The following FRMD5 variants were observed in gnomAD, a reference collection of about 807,000 sequenced individuals.
The protein encoded by FRMD5 is FERM domain-containing protein 5.
FRMD5 carries 20 observed loss-of-function variants against 69.0 expected under a neutral mutation model. That is an observed-to-expected ratio of 0.29 (90% CI 0.20 to 0.42). FRMD5 has a LOEUF of 0.42. FRMD5 is among the 10% of genes least tolerant of loss of function. The pLI is 1.00. For missense variants in FRMD5, 595 were observed against 708.6 expected (o/e 0.84, Z 1.82); for synonymous variants, 271 against 260.1 (o/e 1.04, Z -0.40).
intron 1 of FRMD5, among the ~76,000 whole-genome samples, chr15:44,020,301 C>CTCT (rs1891158542): frequency 6.6e-6 from 1 of 152,164 alleles, no homozygotes; most frequent in Non-Finnish European, 1.5e-5. Flanking sequence ...ATCACGTTTG[C>CTCT]TCTTCCCTCA....
chr15:44,126,425 C>G (rs1306982139), intron 1 of FRMD5, among the ~76,000 whole-genome samples: 2 of 152,168 alleles, frequency 1.3e-5, no homozygotes, highest in African/African-American at 4.8e-5. Context: ...TTAAAATAAT[C>G]TAAGTTTGTA....
chr15:44,130,061 T>C (rs2077077435), intron 1 of FRMD5, among the ~76,000 whole-genome samples: 1 of 152,172 alleles, frequency 6.6e-6, no homozygotes, highest in Non-Finnish European at 1.5e-5. Context: ...CTGGGATGGT[T>C]TGCACCTTGC....
chr15:44,150,935 T>C (rs920180100), intron 1 of FRMD5, among the ~76,000 whole-genome samples: 1 of 151,786 alleles, frequency 6.6e-6, no homozygotes, highest in Non-Finnish European at 1.5e-5. Context: ...CTACTAATAA[T>C]ACAAAAATTA....
chr15:43,883,972 T>A (rs1177452080), intron 12 of FRMD5, among the ~76,000 whole-genome samples, 163 bp from the exon 13 acceptor site: 1 of 152,332 alleles, frequency 6.6e-6, no homozygotes, highest in African/African-American at 2.4e-5. Context: ...GGTCTCTGGA[T>A]TCCAGTCAGA....
intron 1 of FRMD5, among the ~76,000 whole-genome samples, chr15:44,051,139 CTTTTTTTTTTTTT>C (rs779951038): frequency 9.1e-4 from 71 of 78,394 alleles, no homozygotes; most frequent in East Asian, 5.4e-3. Context: ...CATTCAGTCA[CTTTTTTTTTTTTT>C]TTTTTTTTTT....
At chr15:44,106,395 A>G (rs1392875534) in intron 1 of FRMD5, among the ~76,000 whole-genome samples, 1 of 151,718 alleles carries the variant, frequency 6.6e-6, no homozygotes, top group African/African-American at 2.4e-5. Flanking sequence ...CATTGCCACT[A>G]CTCTTTAAAC....
At chr15:44,193,132 C>A (rs2078223989) in intron 1 of FRMD5, among the ~76,000 whole-genome samples, 1 of 152,194 alleles carries the variant, frequency 6.6e-6, no homozygotes, top group African/African-American at 2.4e-5. Flanking sequence ...ATTTGCCTCA[C>A]TGCAATACTT....
intron 13 of FRMD5, among the ~76,000 whole-genome samples, chr15:43,878,032 T>A (rs2088412857): frequency 6.6e-6 from 1 of 152,204 alleles, no homozygotes; most frequent in African/African-American, 2.4e-5. Flanking sequence ...TGAGACAGTC[T>A]TACTCCATTG....
At chr15:43,913,838 CA>C (rs932007266) in intron 4 of FRMD5, among the ~76,000 whole-genome samples, 25 of 152,226 alleles carry the variant, frequency 1.6e-4, no homozygotes, top group East Asian at 1.9e-4. Context: ...ACTTAGTTAT[CA>C]GGTTAGTCCT....
chr15:44,030,072 A>T (rs1278002957), intron 1 of FRMD5, among the ~76,000 whole-genome samples: 3 of 152,230 alleles, frequency 2.0e-5, no homozygotes, highest in African/African-American at 7.2e-5. Context: ...AAGAGACTGG[A>T]ACATGGGAAA....
At position 44,140,487 on chromosome 15, in the gene FRMD5, GACAAT is replaced by G. The variant is rs2077253304; in HGVS notation, c.102+54461_102+54465del. The stretch of plus-strand genomic sequence containing the variant: ...AAACAACATTGTTTTGGAGGTCCCA[GACAAT>G]ACAATAAAGCAAGAAGAAAAATAAA... On this transcript the variant is annotated intron_variant, in intron 1 of 13. Transcript: ENST00000417257. Among the ~76,000 whole-genome samples, 5 of 152,030 alleles carry G rather than the reference GACAAT, an allele frequency of 3.3e-5. No homozygotes were observed. In the South Asian group the frequency reaches 1.0e-3, roughly 32 times the overall value.
intron 1 of FRMD5, among the ~76,000 whole-genome samples, chr15:44,103,150 T>C (rs1003717927): frequency 2.0e-5 from 3 of 152,294 alleles, no homozygotes; most frequent in African/African-American, 7.2e-5. Flanking sequence ...TTTGCCCTAA[T>C]GTAAGAATAG....
chr15:44,013,481 T>C (rs1024586128), intron 1 of FRMD5, among the ~76,000 whole-genome samples: 1 of 152,236 alleles, frequency 6.6e-6, no homozygotes, highest in African/African-American at 2.4e-5. Flanking sequence ...TTTTTATCCC[T>C]AGAGATTGGT....
rs116798125 is a variant in FRMD5, at chr15:43,875,461, T to C, written c.1136-999A>G. ...TTTTAGAAGAGTTTTTCTTTGCTTT[T>C]TGCTTACGGTTTTGGCCTAGTTTGT... On this transcript the variant is annotated intron_variant, in intron 13 of 13. Transcript: ENST00000417257. Among the ~76,000 whole-genome samples the C allele has an allele frequency of 4.6e-3, 690 of 150,884 alleles. 5 individuals carry two copies. Among genetic ancestry groups the C allele is most frequent in the African/African-American group, 0.016 (663 of 41,156 alleles).
Position 43,875,805 on chromosome 15 carries a change from T to TTTTTTTTTTTTTTTTTTTTTTTTTTTTTA in FRMD5, c.1136-1344_1136-1343insTAAAAAAAAAAAAAAAAAAAAAAAAAAAA. The TTTTTTTTTTTTTTTTTTTTTTTTTTTTTA allele has an allele frequency of 1.6e-5, 2 of 121,642 alleles. 1 individual carries two copies. The highest frequency in any genetic ancestry group is 2.9e-5 in the Non-Finnish European group (2 of 69,264). The allele number at this position is 121,642 out of a possible 1,614,324, so 7.5% of individuals were successfully genotyped here. A position where few individuals can be genotyped will look rare whatever the true frequency, so the allele number is the denominator to read the frequency against. On this transcript the variant is annotated intron_variant, in intron 13 of 13. Transcript: ENST00000417257. ...CTTGCCTTTGGTGTCCTGGGCCTAG[T>TTTTTTTTTTTTTTTTTTTTTTTTTTTTTA]TTTTTTTTTTTTTTTTTTTTTTCTT...
chr15:44,148,094 T>C (rs1035594432), intron 1 of FRMD5, among the ~76,000 whole-genome samples: 2 of 152,160 alleles, frequency 1.3e-5, no homozygotes, highest in African/African-American at 4.8e-5. Context: ...ACTTCCAGAG[T>C]ATTTAATGGG....
At chr15:44,128,971 TACA>T (rs1263850526) in intron 1 of FRMD5, among the ~76,000 whole-genome samples, 1 of 151,968 alleles carries the variant, frequency 6.6e-6, no homozygotes, top group Non-Finnish European at 1.5e-5. Flanking sequence ...CAGCTAGGAG[TACA>T]ACATTAGTGG....
At chr15:44,094,386 C>G (rs140675648) in intron 1 of FRMD5, among the ~76,000 whole-genome samples, 1 of 152,294 alleles carries the variant, frequency 6.6e-6, no homozygotes, top group East Asian at 1.9e-4. Flanking sequence ...GTCTGGCAAC[C>G]TCTACATCCT....
chr15:44,059,225 A>G (rs1353879110), intron 1 of FRMD5, among the ~76,000 whole-genome samples: 3 of 152,218 alleles, frequency 2.0e-5, no homozygotes, highest in African/African-American at 4.8e-5. Context: ...GAGCTGTAGT[A>G]AAGAGGGAAA....
Sources: gnomAD v4.1 joint callset for allele counts (sites outside exome capture counted in the v4.1 genomes callset) on GRCh38, gnomAD v4.1.1 for gene constraint, MANE v1.5 for transcripts, NCBI Gene and HGNC (gene_info 2026-07-23, HGNC 2026-07-21) for gene names.